The following DNAH6 variants were observed in gnomAD, a reference collection of about 807,000 sequenced individuals.
DNAH6 encodes dynein axonemal heavy chain 6.
A neutral mutation model predicts 491.4 loss-of-function variants in DNAH6; 340 were observed. The observed-to-expected ratio is 0.69, with a 90% CI of 0.63 to 0.76. The LOEUF is 0.76. DNAH6 is among the 30% of genes least tolerant of loss of function. The pLI is 0.00. For synonymous variants in DNAH6, 1,603 were observed against 1,686.1 expected, an observed-to-expected ratio of 0.95 and a Z score of 1.21; for missense variants, 4,443 against 4,972.2, an observed-to-expected ratio of 0.89 and a Z score of 3.20.
At chr2:84,601,894 T>A (rs1258849983) in intron 18 of DNAH6, among the ~76,000 whole-genome samples, 2 of 151,970 alleles carry the variant, frequency 1.3e-5, no homozygotes, top group Non-Finnish European at 2.9e-5. Context: ...TAGAAGCAAT[T>A]TTTTAGAAAA....
chr2:84,662,561 G>A (rs1402791846), intron 37 of DNAH6, among the ~76,000 whole-genome samples: 2 of 152,118 alleles, frequency 1.3e-5, no homozygotes, highest in African/African-American at 4.8e-5. Flanking sequence ...GGGGAGGGGT[G>A]CCCACCATTG....
rs375272381 is a variant in DNAH6, at chr2:84,655,117, G to T, written c.5757+335G>T. Among the ~76,000 whole-genome samples the T allele has an allele frequency of 6.6e-5, 10 of 152,184 alleles. No individual in the cohort carries two copies. In the East Asian group the frequency reaches 1.4e-3, roughly 21 times the overall value. ...CAGCCTGAGGCATTGAGACTTCGCAGAAAGCTTGGGAGTAATAAAAGGAAG... is the reference window on the plus strand; with the variant it reads ...CAGCCTGAGGCATTGAGACTTCGCATAAAGCTTGGGAGTAATAAAAGGAAG... On this transcript the variant is annotated intron_variant, in intron 35 of 76. Coordinates refer to ENST00000389394, the MANE Select transcript of DNAH6 (RefSeq NM_001370.2).
chr2:84,697,259 A>G (rs1183435109), intron 46 of DNAH6, among the ~76,000 whole-genome samples: 1 of 152,234 alleles, frequency 6.6e-6, no homozygotes, highest in Non-Finnish European at 1.5e-5. Context: ...TATTTTTGAT[A>G]AATATGATGA....
chr2:84,792,016 G>A (rs938854829), intron 68 of DNAH6, among the ~76,000 whole-genome samples: 6 of 152,048 alleles, frequency 3.9e-5, no homozygotes, highest in African/African-American at 1.4e-4. Flanking sequence ...AGAGAGTATC[G>A]TATATACATA....
intron 20 of DNAH6, 107 bp from the exon 21 acceptor site, chr2:84,606,869 A>C: frequency 8.5e-7 from 1 of 1,171,364 alleles, no homozygotes; most frequent in Non-Finnish European, 1.2e-6. Flanking sequence ...TAAGCTATTA[A>C]TTCAAAGAGT....
chr2:84,554,716 C>A (rs539774435), intron 10 of DNAH6, among the ~76,000 whole-genome samples: 1 of 152,324 alleles, frequency 6.6e-6, no homozygotes, highest in Admixed American at 6.5e-5. Flanking sequence ...CTACTGAGGT[C>A]CCTGTGATTG....
chr2:84,628,288 A>G (rs1205166850), intron 29 of DNAH6, among the ~76,000 whole-genome samples: 1 of 152,152 alleles, frequency 6.6e-6, no homozygotes, highest in Admixed American at 6.5e-5. Context: ...ATTGTCTCCA[A>G]GGGCTGTTAT....
intron 3 of DNAH6, 51 bp downstream of exon 3, chr2:84,525,789 A>G (rs1250819402): frequency 1.7e-5 from 23 of 1,326,962 alleles, no homozygotes; most frequent in African/African-American, 3.0e-5. Flanking sequence ...TTTGTTTTGT[A>G]TAGCATTGCT....
At chr2:84,633,767 A>G (rs1160848161) in intron 29 of DNAH6, among the ~76,000 whole-genome samples, 2 of 151,322 alleles carry the variant, frequency 1.3e-5, no homozygotes, top group Non-Finnish European at 2.9e-5. Context: ...AGGTACAGGT[A>G]TAAGTGTGGT....
At chr2:84,544,118 AAAT>A (rs1274778531) in intron 4 of DNAH6, 112 bp from the exon 5 acceptor site, 2 of 533,178 alleles carry the variant, frequency 3.8e-6, no homozygotes, top group African/African-American at 3.8e-5. Flanking sequence ...TTTTAACTTT[AAAT>A]AATATTTGCT....
At chr2:84,751,031 A>C (rs974618421) in intron 63 of DNAH6, 21 of 152,244 alleles carry the variant, frequency 1.4e-4, no homozygotes, top group Admixed American at 1.4e-3. Context: ...GGACAGTATC[A>C]CCTGAAGAAA....
chr2:84,795,598 G>A (rs1157835348), intron 68 of DNAH6, among the ~76,000 whole-genome samples: 1 of 152,198 alleles, frequency 6.6e-6, no homozygotes, highest in Non-Finnish European at 1.5e-5. Context: ...GGTATCACAG[G>A]TGAAATCCTT....
intron 55 of DNAH6, among the ~76,000 whole-genome samples, chr2:84,710,047 C>A (rs1696881636): frequency 6.6e-6 from 1 of 152,238 alleles, no homozygotes; most frequent in Non-Finnish European, 1.5e-5. Context: ...ATACCATAAG[C>A]ATGAACTCTG....
At chr2:84,752,123 T>C (rs1000311582) in intron 63 of DNAH6, among the ~76,000 whole-genome samples, 3 of 152,218 alleles carry the variant, frequency 2.0e-5, no homozygotes, top group Non-Finnish European at 4.4e-5. Flanking sequence ...TGGTTTTCTC[T>C]GTTGAAAACC....
intron 40 of DNAH6, among the ~76,000 whole-genome samples, chr2:84,676,283 G>A (rs1693227732): frequency 6.6e-6 from 1 of 152,086 alleles, no homozygotes; most frequent in South Asian, 2.1e-4. Context: ...TGCCCTTTTC[G>A]CAGTCTACTT....
the DNAH6 span, among the ~76,000 whole-genome samples, chr2:84,484,624 A>G: frequency 1.2e-4 from 19 of 152,084 alleles, no homozygotes; most frequent in Admixed American, 1.1e-3. Context: ...CACTCTGACC[A>G]TTCTCTTGTA....
At chr2:84,675,049 C>T (rs1157297844) in intron 40 of DNAH6, among the ~76,000 whole-genome samples, 1 of 152,184 alleles carries the variant, frequency 6.6e-6, no homozygotes, top group Non-Finnish European at 1.5e-5. Context: ...TCCAGCTCTT[C>T]CCTTATAATC....
intron 63 of DNAH6, among the ~76,000 whole-genome samples, chr2:84,756,639 A>G (rs1674053605): frequency 6.6e-6 from 1 of 152,220 alleles, no homozygotes; most frequent in Non-Finnish European, 1.5e-5. Context: ...CCAAATATTT[A>G]AACTTATCTT....
intron 72 of DNAH6, among the ~76,000 whole-genome samples, chr2:84,811,736 C>T (rs1370689668): frequency 2.0e-5 from 3 of 152,034 alleles, no homozygotes; most frequent in Non-Finnish European, 4.4e-5. Context: ...TGGCACATGC[C>T]TGTAATCCCA....
Sources: allele counts gnomAD v4.1 joint callset (sites outside exome capture counted in the v4.1 genomes callset), GRCh38; gene constraint gnomAD v4.1.1; transcripts MANE v1.5; gene names NCBI Gene and HGNC (gene_info 2026-07-23, HGNC 2026-07-21).